The following TNFSF15 variants were observed in gnomAD, a reference collection of about 807,000 sequenced individuals.
TNFSF15 encodes TNF superfamily member 15.
TNFSF15 carries 15 observed loss-of-function variants against 26.4 expected under a neutral mutation model. The ratio of observed to expected loss-of-function variants is 0.57; its 90% CI spans 0.38 to 0.87. The LOEUF (loss-of-function observed/expected upper bound fraction) is 0.87, where lower values mean the gene tolerates loss of function less well. Ranked by LOEUF, TNFSF15 falls within the 40% of genes least tolerant of loss-of-function variation. The pLI, the probability that TNFSF15 is intolerant of heterozygous loss-of-function variation, is 0.00. For missense variants in TNFSF15, 290 were observed against 306.1 expected (o/e 0.95, Z 0.39); for synonymous variants, 116 against 115.0 (o/e 1.01, Z -0.06).
intron 1 of TNFSF15, among the ~76,000 whole-genome samples, chr9:114,800,103 A>G (rs1829725227): frequency 6.6e-6 from 1 of 151,948 alleles, no homozygotes; most frequent in South Asian, 2.1e-4. Flanking sequence ...CTTGAGTGAG[A>G]TAAGAGGGCT....
rs756319889 is a variant in TNFSF15, at chr9:114,805,819, G to A, written c.194C>T (p.Ala65Val). The change falls in exon 1 of 4, where the codon GCC becomes GTC. Residue 65 changes from alanine (A) to valine (V), a missense_variant. By Grantham distance (64) the Ala-to-Val change is moderately conservative. This residue lies in a region of TNFSF15 where 179 missense variants were observed against 165.9 expected (regional missense o/e 1.08). Transcript: ENST00000374045. ...GTGGCTTACCTGGAACTGCACACAG[G>A]CCTCTCCCTGGGCCCGGAGCTGGCT... Reference protein sequence around the residue: ...LVSQLRAQGEACVQFQALKGQ... With the variant: ...LVSQLRAQGEVCVQFQALKGQ... The A allele has an allele frequency of 1.2e-6, 2 of 1,613,328 alleles. No individual in the cohort carries two copies. Among genetic ancestry groups the A allele is most frequent in the Non-Finnish European group, 1.7e-6 (2 of 1,180,032 alleles).
At position 114,786,800 on chromosome 9, in the gene TNFSF15, T is replaced by A. The variant is rs1829508354; in HGVS notation, c.*3652A>T. The A allele has an allele frequency of 6.8e-6, 1 of 147,488 alleles. No individual in the cohort carries two copies. Among genetic ancestry groups the A allele is most frequent in the African/African-American group, 2.5e-5 (1 of 40,140 alleles). 9.1% of individuals were successfully genotyped at this position (147,488 alleles called of 1,614,324 possible). A position where few individuals can be genotyped will look rare whatever the true frequency, so the allele number is the denominator to read the frequency against. The stretch of plus-strand genomic sequence containing the variant: ...GGTGGTGGGAGCCTGTAGTCCCAGC[T>A]ACTCGGGAGGCTGAAGCAGGAGAAT... On this transcript the variant is annotated 3_prime_UTR_variant, in exon 4 of 4. Transcript: ENST00000374045.
intron 1 of TNFSF15, among the ~76,000 whole-genome samples, chr9:114,800,833 T>C (rs1236509408): frequency 6.6e-6 from 1 of 152,198 alleles, no homozygotes; most frequent in Non-Finnish European, 1.5e-5. Context: ...GCAGCTGTGA[T>C]GCGGTGGAGC....
In TNFSF15 at chr9:114,785,643, G is replaced by A. The variant is rs796656132; in HGVS notation, c.*4809C>T. On this transcript the variant is annotated 3_prime_UTR_variant, in exon 4 of 4. Coordinates refer to ENST00000374045, the MANE Select transcript of TNFSF15 (RefSeq NM_005118.4). ...AGCATCCTAGAAAAATTCTATTTTG[G>A]AGTAGAAAATTCCTTTGGGGATCAA... 3.3e-5 allele frequency: 5 copies of A among 152,282 alleles called. No homozygotes were observed. The highest frequency in any genetic ancestry group is 1.2e-4 in the African/African-American group (5 of 41,560). 9.4% of individuals were successfully genotyped at this position (152,282 alleles called of 1,614,324 possible).
At chr9:114,804,120 G>A (rs1420889167) in intron 1 of TNFSF15, among the ~76,000 whole-genome samples, 1 of 152,158 alleles carries the variant, frequency 6.6e-6, no homozygotes, top group Non-Finnish European at 1.5e-5. Context: ...GCAAACCAGA[G>A]CTGCAATCAT....
At chr9:114,800,683 G>A (rs1020929129) in intron 1 of TNFSF15, among the ~76,000 whole-genome samples, 5 of 152,164 alleles carry the variant, frequency 3.3e-5, no homozygotes, top group African/African-American at 1.2e-4. Flanking sequence ...AGTAATGATA[G>A]CAAACAAGTA....
intron 1 of TNFSF15, 97 bp downstream of exon 1, chr9:114,805,706 T>A (rs887134919): frequency 4.2e-5 from 50 of 1,202,988 alleles, no homozygotes; most frequent in Non-Finnish European, 4.8e-5. Context: ...ATGTGATACA[T>A]CAAGAAACTC....
At position 114,790,640 on chromosome 9, in the gene TNFSF15, C is replaced by G; in HGVS notation, c.568G>C (p.Glu190Gln). 1 of 1,614,072 alleles carries G rather than the reference C, an allele frequency of 6.2e-7. No individual in the cohort carries two copies. The highest frequency in any genetic ancestry group is 8.5e-7 in the Non-Finnish European group (1 of 1,179,994). Reference protein sequence around the residue: ...VITKVTDSYPEPTQLLMGTKS... With the variant: ...VITKVTDSYPQPTQLLMGTKS... ...GTCCCCATGAGGAGCTGGGTTGGCTCAGGGTAGCTGTCTGTTACCTTGGTG... is the reference window on the plus strand; with the variant it reads ...GTCCCCATGAGGAGCTGGGTTGGCTGAGGGTAGCTGTCTGTTACCTTGGTG... The change falls in exon 4 of 4, where the codon GAG (glutamate) becomes CAG (glutamine). Residue 190 changes from glutamate (E) to glutamine (Q), a missense_variant. Physicochemically the swap from Glu to Gln is conservative, Grantham distance 29. Coordinates refer to ENST00000374045, the MANE Select transcript of TNFSF15 (RefSeq NM_005118.4).
Position 114,785,462 on chromosome 9 carries a change from T to A in TNFSF15, c.*4990A>T, listed in dbSNP as rs188289669. 2.0e-4 allele frequency: 30 copies of A among 152,250 alleles called. No individual in the cohort carries two copies. The highest frequency in any genetic ancestry group is 6.7e-4 in the African/African-American group (28 of 41,546). 9.4% of individuals were successfully genotyped at this position (152,250 alleles called of 1,614,324 possible). On this transcript the variant is annotated 3_prime_UTR_variant, in exon 4 of 4. Transcript: ENST00000374045. The stretch of plus-strand genomic sequence containing the variant: ...GTTTGTAATGATCAACTAGAACACA[T>A]GGAAGTCAATGAACAAAAGGCCACA...
intron 1 of TNFSF15, among the ~76,000 whole-genome samples, chr9:114,804,275 C>T (rs557858434): frequency 1.4e-4 from 21 of 152,300 alleles, no homozygotes; most frequent in East Asian, 3.9e-4. Context: ...AAAAAGACCC[C>T]GTGCCTTCCT....
At chr9:114,792,593 G>A in intron 2 of TNFSF15, 139 bp from the exon 3 acceptor site, 2 of 1,524,002 alleles carry the variant, frequency 1.3e-6, no homozygotes, top group Non-Finnish European at 1.8e-6. Context: ...ACTCCTTGCA[G>A]GATTTTGGAT....
In TNFSF15 at chr9:114,787,628, T is replaced by A. The variant is rs924766494; in HGVS notation, c.*2824A>T. ...CCCATTAACCCCTTTTAGGGGAACA[T>A]CACATGATCTTAAAAGCATTTTCCC... On this transcript the variant is annotated 3_prime_UTR_variant, in exon 4 of 4. Coordinates refer to ENST00000374045, the MANE Select transcript of TNFSF15 (RefSeq NM_005118.4). 5 of 153,372 alleles carry A rather than the reference T, an allele frequency of 3.3e-5. No individual in the cohort carries two copies. The highest frequency in any genetic ancestry group is 1.2e-4 in the African/African-American group (5 of 41,438). The allele number at this position is 153,372 out of a possible 1,614,324, so 9.5% of individuals were successfully genotyped here.
intron 3 of TNFSF15, chr9:114,792,139 G>A (rs367853733): frequency 1.4e-4 from 64 of 460,616 alleles, no homozygotes; most frequent in African/African-American, 1.1e-3. Context: ...ATTCACAATC[G>A]CAAAAATATG....
In TNFSF15 at chr9:114,790,550, A is replaced by G. The variant is rs538580995; in HGVS notation, c.658T>C (p.Leu220=). Residue 220 remains leucine, a synonymous_variant, in exon 4 of 4, where the codon TTG becomes CTG. Coordinates refer to ENST00000374045, the MANE Select transcript of TNFSF15 (RefSeq NM_005118.4). ...QPIYLGAMFS[L]QEGDKLMVNV... ...ACCATTAGCTTGTCCCCTTCTTGCA[A>G]GGAGAACATGGCTCCGAGGTAGATG... 5.0e-6 allele frequency: 8 copies of G among 1,614,090 alleles called. No individual in the cohort carries two copies. Among genetic ancestry groups the G allele is most frequent in the South Asian group, 2.2e-5 (2 of 91,082 alleles).
chr9:114,803,877 A>G (rs1829780556), intron 1 of TNFSF15, among the ~76,000 whole-genome samples: 1 of 152,090 alleles, frequency 6.6e-6, no homozygotes, highest in African/African-American at 2.4e-5. Context: ...CTGGTTTCCC[A>G]CTGTTGCTAG....
In TNFSF15 at chr9:114,787,288, G is replaced by A. The variant is rs1196466095; in HGVS notation, c.*3164C>T. ...ACACAAATCATTTTGTTAGTCATCA[G>A]CCTTAATCAAATGGCATCCATTTTC... is the stretch of plus-strand genomic sequence containing the variant. On this transcript the variant is annotated 3_prime_UTR_variant, in exon 4 of 4. Transcript: ENST00000374045. 6.6e-6 allele frequency: 1 copy of A among 152,120 alleles called. No individual in the cohort carries two copies. Among genetic ancestry groups the A allele is most frequent in the East Asian group, 1.9e-4 (1 of 5,196 alleles). The allele number at this position is 152,120 out of a possible 1,614,324, so 9.4% of individuals were successfully genotyped here. A position where few individuals can be genotyped will look rare whatever the true frequency, so the allele number is the denominator to read the frequency against.
chr9:114,797,863 C>T (rs952581139), intron 1 of TNFSF15, among the ~76,000 whole-genome samples: 2 of 152,200 alleles, frequency 1.3e-5, no homozygotes, highest in Non-Finnish European at 2.9e-5. Context: ...TGACTTTTCT[C>T]GCTCTGAAAA....
Position 114,805,883 on chromosome 9 carries a change from G to A in TNFSF15, c.130C>T (p.Leu44Phe). 1 of 1,614,044 alleles carries A rather than the reference G, an allele frequency of 6.2e-7. No individual in the cohort carries two copies. The change falls in exon 1 of 4, where the codon CTC becomes TTC. Residue 44 changes from leucine (L) to phenylalanine (F), a missense_variant. By Grantham distance (22) the Leu-to-Phe change is conservative (BLOSUM62 0). Transcript: ENST00000374045. ...GTGGTGAGTCCTGCAAGGAAGGGGAGCAACACCAGGCAGCAGGTGAGAGCC... is the reference window on the plus strand; with the variant it reads ...GTGGTGAGTCCTGCAAGGAAGGGGAACAACACCAGGCAGCAGGTGAGAGCC... ...RWALTCCLVLLPFLAGLTTYL... is the reference protein window; with the variant it reads ...RWALTCCLVLFPFLAGLTTYL...
At chr9:114,792,687 C>T (rs368618184) in intron 2 of TNFSF15, among the ~76,000 whole-genome samples, 1 of 152,198 alleles carries the variant, frequency 6.6e-6, no homozygotes, top group Non-Finnish European at 1.5e-5. Context: ...ATCTTGGCCC[C>T]ATGGCTTTGG....
Sources: allele counts gnomAD v4.1 joint callset (sites outside exome capture counted in the v4.1 genomes callset), GRCh38; gene constraint gnomAD v4.1.1; regional missense constraint gnomAD v4.1.1; transcripts MANE v1.5; gene names NCBI Gene and HGNC (gene_info 2026-07-23, HGNC 2026-07-21).